The following HMGN5 variants were observed in gnomAD, a reference collection of about 807,000 sequenced individuals.
HMGN5 encodes high mobility group nucleosome-binding domain-containing protein 5.
A neutral mutation model predicts 9.5 loss-of-function variants in HMGN5; 4 were observed. The observed-to-expected ratio is 0.42, with a 90% CI of 0.21 to 0.96. HMGN5 has a LOEUF of 0.96. Ranked by LOEUF, HMGN5 falls within the 40% of genes least tolerant of loss-of-function variation. HMGN5 has a pLI of 0.30. For missense variants in HMGN5, 192 were observed against 187.5 expected, an observed-to-expected ratio of 1.02 and a Z score of -0.14; for synonymous variants, 55 against 57.1, an observed-to-expected ratio of 0.96 and a Z score of 0.16.
chrX:81,195,615 T>C, intron 1 of HMGN5, among the ~76,000 whole-genome samples: 1 of 111,601 alleles, frequency 9.0e-6, no homozygotes, highest in East Asian at 2.8e-4. Flanking sequence ...TCCTGTCTCT[T>C]TCCAATGATA....
chrX:81,152,234 C>A (rs1377650049), intron 1 of HMGN5, among the ~76,000 whole-genome samples: 3 of 111,566 alleles, frequency 2.7e-5, no homozygotes, highest in African/African-American at 6.5e-5. Flanking sequence ...AAAATTTTCA[C>A]AACCGACTCA....
intron 1 of HMGN5, among the ~76,000 whole-genome samples, chrX:81,192,637 T>C (rs1006358025): frequency 6.2e-5 from 7 of 112,167 alleles, no homozygotes; most frequent in African/African-American, 2.3e-4. Context: ...ATACATTCTT[T>C]AGTATTTCAA....
At chrX:81,137,007 T>C (rs1020897185) in intron 1 of HMGN5, among the ~76,000 whole-genome samples, 34 of 111,663 alleles carry the variant, frequency 3.0e-4, no homozygotes, top group African/African-American at 9.1e-4. Flanking sequence ...TGATCCTAAA[T>C]GTGCATGGAT....
chrX:81,168,680 C>T (rs2075417567), intron 1 of HMGN5, among the ~76,000 whole-genome samples: 3 of 111,928 alleles, frequency 2.7e-5, no homozygotes, highest in Non-Finnish European at 3.8e-5. Context: ...CAGGGGTACA[C>T]TTACATCCTA....
intron 1 of HMGN5, among the ~76,000 whole-genome samples, chrX:81,161,298 C>A (rs1401870479): frequency 9.0e-6 from 1 of 110,690 alleles, no homozygotes; most frequent in Non-Finnish European, 1.9e-5. Flanking sequence ...AGTTCTGGCC[C>A]AACTAATGGC....
At chrX:81,123,433 CTT>C (rs1352897540) in intron 1 of HMGN5, among the ~76,000 whole-genome samples, 2 of 111,615 alleles carry the variant, frequency 1.8e-5, no homozygotes, top group African/African-American at 6.5e-5. Context: ...CCTGATGTCA[CTT>C]TTTGCCCTTA....
At chrX:81,140,836 G>T (rs5959819) in intron 1 of HMGN5, among the ~76,000 whole-genome samples, 2,011 of 111,194 alleles carry the variant, frequency 0.018, 41 homozygotes, top group African/African-American at 0.062. Flanking sequence ...GCCACGGGGG[G>T]ATAGTGCATC....
chrX:81,147,939 C>T (rs2075349940), intron 1 of HMGN5, among the ~76,000 whole-genome samples: 1 of 111,565 alleles, frequency 9.0e-6, no homozygotes, highest in Non-Finnish European at 1.9e-5. Flanking sequence ...TGTGAAGGAC[C>T]TGTTCAAAGA....
At chrX:81,166,696 C>T (rs1455918115) in intron 1 of HMGN5, among the ~76,000 whole-genome samples, 1 of 111,747 alleles carries the variant, frequency 8.9e-6, no homozygotes, top group Non-Finnish European at 1.9e-5. Context: ...AACATGGATG[C>T]TGGCTATTTA....
intron 1 of HMGN5, among the ~76,000 whole-genome samples, chrX:81,184,591 TG>T (rs1373995834): frequency 3.6e-5 from 4 of 111,120 alleles, no homozygotes; most frequent in Middle Eastern, 9.2e-3. Flanking sequence ...GTTTTGTCTT[TG>T]TTTTTGTTTT....
intron 1 of HMGN5, among the ~76,000 whole-genome samples, chrX:81,158,604 C>T (rs764088059): frequency 3.6e-5 from 4 of 112,229 alleles, no homozygotes; most frequent in African/African-American, 1.3e-4. Flanking sequence ...TTTTCTCCCA[C>T]TCTGTAGGTT....
chrX:81,173,338 A>G (rs2075431984), intron 1 of HMGN5, among the ~76,000 whole-genome samples: 1 of 111,397 alleles, frequency 9.0e-6, no homozygotes, highest in African/African-American at 3.2e-5. Context: ...AAAATGAAGT[A>G]TGTCATAATT....
At chrX:81,162,328 T>C (rs2075399524) in intron 1 of HMGN5, among the ~76,000 whole-genome samples, 1 of 105,522 alleles carries the variant, frequency 9.5e-6, no homozygotes, top group African/African-American at 3.5e-5. Context: ...TGAAGTGCTT[T>C]GGACTTCCAG....
Position 81,121,555 on chromosome X carries a change from T to C in HMGN5, c.-6A>G, listed in dbSNP as rs756543456. On this transcript the variant is annotated 5_prime_UTR_variant, in exon 2 of 7. Transcript: ENST00000358130. ...CTTACCTTTCTTTTGGGCATTGTTGTAGCTCTCTATAGGAGATCTTAGTCA... is the reference window on the plus strand; with the variant it reads ...CTTACCTTTCTTTTGGGCATTGTTGCAGCTCTCTATAGGAGATCTTAGTCA... The C allele has an allele frequency of 5.0e-6, 6 of 1,194,525 alleles. No homozygotes were observed. In the Admixed American group the frequency reaches 1.4e-4, roughly 27 times the overall value.
At position 81,126,351 on chromosome X, in the gene HMGN5, AT is replaced by A. The variant is rs754341331; in HGVS notation, c.-123-4680del. ...CTCTGGCTGTCAACCTACTTCAGAT[AT>A]ATCTTTTTACTGATTCATTGGATCC... On this transcript the variant is annotated intron_variant, in intron 1 of 6. Coordinates refer to ENST00000358130, the MANE Select transcript of HMGN5 (RefSeq NM_030763.3). Among the ~76,000 whole-genome samples, 6 of 111,221 alleles carry A rather than the reference AT, an allele frequency of 5.4e-5. No homozygotes were observed. The East Asian group carries it at 1.1e-3, about 21-fold the overall frequency.
chrX:81,147,122 A>G (rs2075347190), intron 1 of HMGN5, among the ~76,000 whole-genome samples: 2 of 111,763 alleles, frequency 1.8e-5, no homozygotes, highest in Non-Finnish European at 3.8e-5. Context: ...AATAGAAAAA[A>G]AGGGAATCCT....
At chrX:81,168,734 G>C (rs1231084980) in intron 1 of HMGN5, among the ~76,000 whole-genome samples, 7 of 111,923 alleles carry the variant, frequency 6.3e-5, no homozygotes, top group Non-Finnish European at 1.3e-4. Flanking sequence ...TATAAAAACA[G>C]TTGGCAGGAA....
chrX:81,177,902 T>A (rs773408026), intron 1 of HMGN5, among the ~76,000 whole-genome samples: 1 of 112,026 alleles, frequency 8.9e-6, no homozygotes, highest in African/African-American at 3.2e-5. Context: ...AACTCACGAT[T>A]AAGAAACTCA....
chrX:81,166,183 C>T (rs1205891225), intron 1 of HMGN5, among the ~76,000 whole-genome samples: 3 of 110,850 alleles, frequency 2.7e-5, no homozygotes, highest in African/African-American at 9.9e-5. Context: ...CAGTTAATAG[C>T]GACTGATCTA....
Sources: allele counts gnomAD v4.1 joint callset (sites outside exome capture counted in the v4.1 genomes callset), GRCh38; gene constraint gnomAD v4.1.1; transcripts MANE v1.5; gene names NCBI Gene and HGNC (gene_info 2026-07-23, HGNC 2026-07-21).